The following SPATA18 variants were observed in gnomAD, a reference collection of about 807,000 sequenced individuals.
SPATA18 encodes mitochondria-eating protein.
In SPATA18, 54 loss-of-function variants were observed where a neutral mutation model predicts 68.1. The observed-to-expected ratio is 0.79, with a 90% confidence interval of 0.64 to 0.99. The LOEUF (loss-of-function observed/expected upper bound fraction) is 0.99. Among genes scored for constraint, SPATA18 ranks in the 50% least tolerant of loss-of-function variants. SPATA18 has a pLI of 0.00. For synonymous variants in SPATA18, 242 were observed against 244.8 expected, an observed-to-expected ratio of 0.99 and a Z score of 0.11; for missense variants, 724 against 681.1, an observed-to-expected ratio of 1.06 and a Z score of -0.70.
At chr4:52,089,100 T>A (rs1381473064) in intron 11 of SPATA18, among the ~76,000 whole-genome samples, 1 of 152,184 alleles carries the variant, frequency 6.6e-6, no homozygotes, top group Non-Finnish European at 1.5e-5. Flanking sequence ...CTGATGGTAG[T>A]TTGTATTTCT....
At chr4:52,070,831 T>C (rs1739764408) in intron 5 of SPATA18, among the ~76,000 whole-genome samples, 1 of 152,042 alleles carries the variant, frequency 6.6e-6, no homozygotes, top group African/African-American at 2.4e-5. Context: ...AAAATAAGGT[T>C]ATACCTTCCT....
chr4:52,070,048 A>G (rs1739670933), intron 5 of SPATA18, 132 bp downstream of exon 5: 3 of 240,172 alleles, frequency 1.2e-5, no homozygotes, highest in East Asian at 9.3e-5. Context: ...AATTATATAT[A>G]TATATATATT....
chr4:52,073,046 A>C (rs1740004663), intron 6 of SPATA18, among the ~76,000 whole-genome samples: 2 of 152,012 alleles, frequency 1.3e-5, no homozygotes, highest in African/African-American at 4.8e-5. Flanking sequence ...CAAGCCCCTA[A>C]TGTGTTCTGC....
intron 1 of SPATA18, among the ~76,000 whole-genome samples, chr4:52,053,014 T>TC (rs1560577234): frequency 6.6e-6 from 1 of 152,140 alleles, no homozygotes; most frequent in East Asian, 1.9e-4. Flanking sequence ...AGACTTGGGT[T>TC]CCCCCCAACT....
At chr4:52,069,539 G>A (rs1176336084) in intron 4 of SPATA18, among the ~76,000 whole-genome samples, 1 of 152,170 alleles carries the variant, frequency 6.6e-6, no homozygotes, top group Admixed American at 6.5e-5. Flanking sequence ...AATTGAACAA[G>A]TTTCTTTGTC....
intron 11 of SPATA18, among the ~76,000 whole-genome samples, chr4:52,090,299 A>G (rs1452373364): frequency 1.3e-5 from 2 of 152,104 alleles, no homozygotes. Flanking sequence ...TAATATTGTT[A>G]TGTGTGTACT....
intron 11 of SPATA18, among the ~76,000 whole-genome samples, chr4:52,090,597 T>C (rs61796826): frequency 0.18 from 26,687 of 152,146 alleles, 2,650 homozygotes; most frequent in East Asian, 0.4. Context: ...TTAATGAACG[T>C]TGAATATTGG....
intron 10 of SPATA18, among the ~76,000 whole-genome samples, chr4:52,083,643 G>T (rs1741143620): frequency 6.6e-6 from 1 of 152,138 alleles, no homozygotes; most frequent in Non-Finnish European, 1.5e-5. Context: ...TACTTGGGAG[G>T]CTGAGGAGGG....
At chr4:52,059,397 C>G (rs1038110649) in intron 1 of SPATA18, among the ~76,000 whole-genome samples, 1 of 152,188 alleles carries the variant, frequency 6.6e-6, no homozygotes, top group Non-Finnish European at 1.5e-5. Context: ...ATTCCTTCTT[C>G]TAATGTTGGA....
chr4:52,093,072 G>T (rs141833750), intron 11 of SPATA18, among the ~76,000 whole-genome samples: 583 of 152,176 alleles, frequency 3.8e-3, no homozygotes, highest in Non-Finnish European at 7.0e-3. Flanking sequence ...ATGAAAATCT[G>T]TCCAGAAATC....
At chr4:52,089,090 C>T (rs984242143) in intron 11 of SPATA18, among the ~76,000 whole-genome samples, 4 of 152,176 alleles carry the variant, frequency 2.6e-5, no homozygotes, top group African/African-American at 9.7e-5. Flanking sequence ...ATAGTATTCT[C>T]TGATGGTAGT....
In SPATA18 at chr4:52,077,015, A is replaced by G; in HGVS notation, c.995A>G (p.Gln332Arg). Reference sequence around the variant, plus strand: ...TGCATCGACAAGGCTGAGACCGTTCAGCGGATCATCTACATCGCCACAGTG... The same window carrying G: ...TGCATCGACAAGGCTGAGACCGTTCGGCGGATCATCTACATCGCCACAGTG... ...RRCIDKAETV[Q>R]RIIYIATVEA... The change falls in exon 7 of 13, where the codon CAG (glutamine) becomes CGG (arginine). Residue 332 changes from glutamine (Q) to arginine (R), a missense_variant. Transcript: ENST00000295213. 1 of 1,609,060 alleles carries G rather than the reference A, an allele frequency of 6.2e-7. No homozygotes were observed. Among genetic ancestry groups the G allele is most frequent in the Non-Finnish European group, 8.5e-7 (1 of 1,177,522 alleles).
chr4:52,052,324 G>C (rs898964111), intron 1 of SPATA18, among the ~76,000 whole-genome samples: 1 of 152,136 alleles, frequency 6.6e-6, no homozygotes, highest in African/African-American at 2.4e-5. Flanking sequence ...TTTCACTTGC[G>C]TGCTGGTGGG....
intron 1 of SPATA18, among the ~76,000 whole-genome samples, chr4:52,054,136 T>G (rs1738134031): frequency 6.6e-6 from 1 of 152,234 alleles, no homozygotes; most frequent in Non-Finnish European, 1.5e-5. Flanking sequence ...GCACTTGAAA[T>G]GTGGCAAGTA....
At chr4:52,060,588 T>C in intron 2 of SPATA18, 64 bp downstream of exon 2, 1 of 1,487,820 alleles carries the variant, frequency 6.7e-7, no homozygotes, top group Non-Finnish European at 9.3e-7. Context: ...TTGGTGCTTT[T>C]TTGTGTTCTT....
In SPATA18 at chr4:52,052,382, T is replaced by C. The variant is rs185107224; in HGVS notation, c.87+591T>C. Reference sequence around the variant, plus strand: ...CAACACCAGGGCGGATTCAGGCCTTTTTCCAGGCATTTGTGAGAAGCCAGT... The same window carrying C: ...CAACACCAGGGCGGATTCAGGCCTTCTTCCAGGCATTTGTGAGAAGCCAGT... On this transcript the variant is annotated intron_variant, in intron 1 of 12. Transcript: ENST00000295213. Among the ~76,000 whole-genome samples, 3 of 152,292 alleles carry C rather than the reference T, an allele frequency of 2.0e-5. No homozygotes were observed. The East Asian group carries it at 5.8e-4, about 30-fold the overall frequency.
intron 5 of SPATA18, among the ~76,000 whole-genome samples, chr4:52,070,878 AG>A (rs1739771644): frequency 1.8e-5 from 2 of 112,734 alleles, no homozygotes; most frequent in Admixed American, 1.6e-4. Context: ...CAAAAGAGTA[AG>A]TGGGGGGGGG....
intron 11 of SPATA18, among the ~76,000 whole-genome samples, chr4:52,086,474 T>C (rs1048108270): frequency 6.6e-6 from 1 of 152,196 alleles, no homozygotes; most frequent in African/African-American, 2.4e-5. Context: ...GTCCATGTGT[T>C]ATCACTGTTC....
At chr4:52,086,282 T>A (rs767916952) in intron 11 of SPATA18, among the ~76,000 whole-genome samples, 1 of 152,190 alleles carries the variant, frequency 6.6e-6, no homozygotes, top group Non-Finnish European at 1.5e-5. Context: ...TTTTATACTT[T>A]AAGTTCTGGG....
Sources: gnomAD v4.1 joint callset for allele counts (sites outside exome capture counted in the v4.1 genomes callset) on GRCh38, gnomAD v4.1.1 for gene constraint, MANE v1.5 for transcripts, NCBI Gene and HGNC (gene_info 2026-07-23, HGNC 2026-07-21) for gene names.